HSD17B3: variants seen among roughly 807,000 people sequenced by gnomAD.
HSD17B3 encodes 17-beta-hydroxysteroid dehydrogenase type 3.
In HSD17B3, 29 loss-of-function variants were observed where a neutral mutation model predicts 41.1. The ratio of observed to expected loss-of-function variants is 0.71; its 90% CI spans 0.53 to 0.96. The LOEUF is 0.96. HSD17B3 is among the 40% of genes least tolerant of loss of function. The pLI, the probability that HSD17B3 is intolerant of heterozygous loss-of-function variation, is 0.00. For missense variants in HSD17B3, 323 were observed against 374.6 expected (o/e 0.86, Z 1.14); for synonymous variants, 126 against 145.6 (o/e 0.87, Z 0.97).
chr9:96,235,515 C>G lies in HSD17B3; in HGVS notation c.878G>C (p.Arg293Thr). The G allele has an allele frequency of 6.2e-7, 1 of 1,614,128 alleles. No homozygotes were observed. The highest frequency in any genetic ancestry group is 8.5e-7 in the Non-Finnish European group (1 of 1,180,032). The change falls in exon 11 of 11, where the codon AGG (arginine) becomes ACG (threonine). Residue 293 changes from arginine (R) to threonine (T), a missense_variant. Physicochemically the swap from Arg to Thr is moderately conservative, Grantham distance 71. Coordinates refer to ENST00000375263, the MANE Select transcript of HSD17B3 (RefSeq NM_000197.2). The part of the protein sequence containing the change: ...AWAFYSGAFQ[R>T]LLLTHYVAYL... ...TGCCACATAGTGTGTCAGGAGCAGC[C>G]TTTGGAAGGCACCGCTGTAGAAGGC...
At chr9:96,283,391 T>C (rs1488303673) in intron 2 of HSD17B3, among the ~76,000 whole-genome samples, 2 of 152,188 alleles carry the variant, frequency 1.3e-5, no homozygotes, top group African/African-American at 4.8e-5. Context: ...AATCTTACCT[T>C]ATGGTCAAAC....
intron 8 of HSD17B3, 36 bp from the exon 9 acceptor site, chr9:96,244,430 G>T (rs1836576325): frequency 6.2e-7 from 1 of 1,608,036 alleles, no homozygotes; most frequent in African/African-American, 1.3e-5. Flanking sequence ...AGGCCCCAGA[G>T]TGAGCTCCCT....
intron 2 of HSD17B3, among the ~76,000 whole-genome samples, chr9:96,271,686 G>C (rs1826250317): frequency 6.6e-6 from 1 of 152,190 alleles, no homozygotes; most frequent in African/African-American, 2.4e-5. Context: ...CTTGCCAATA[G>C]GGAAAGCTCT....
chr9:96,288,331 A>G (rs1263156484), intron 2 of HSD17B3, among the ~76,000 whole-genome samples: 1 of 152,216 alleles, frequency 6.6e-6, no homozygotes. Flanking sequence ...ATATGACACC[A>G]TCGATCCTGA....
At chr9:96,284,779 G>A (rs1293441695) in intron 2 of HSD17B3, among the ~76,000 whole-genome samples, 2 of 152,106 alleles carry the variant, frequency 1.3e-5, no homozygotes, top group Non-Finnish European at 2.9e-5. Context: ...ACCCATGACA[G>A]GGTTCAGCTC....
At chr9:96,276,107 T>TAAAAAAAAAAA (rs57386167) in intron 2 of HSD17B3, among the ~76,000 whole-genome samples, 1 of 41,148 alleles carries the variant, frequency 2.4e-5, no homozygotes, top group Admixed American at 4.0e-4. Context: ...TCCTGTCTCA[T>TAAAAAAAAAAA]AAAAAAAAAA....
chr9:96,280,059 G>A lies in HSD17B3; in HGVS notation c.201+18357C>T, dbSNP rs576763160. Among the ~76,000 whole-genome samples the A allele has an allele frequency of 1.1e-4, 17 of 152,242 alleles. No individual in the cohort carries two copies. In the South Asian group the frequency reaches 3.1e-3, roughly 28 times the overall value. Reference sequence around the variant, plus strand: ...GCTGGGACTACAGGCGTGAGCCACTGTGCCCGGCCTGCTTTGTCACTCTTA... The same window carrying A: ...GCTGGGACTACAGGCGTGAGCCACTATGCCCGGCCTGCTTTGTCACTCTTA... On this transcript the variant is annotated intron_variant, in intron 2 of 10. Transcript: ENST00000375263.
At chr9:96,255,991 A>G (rs1032333504) in intron 2 of HSD17B3, among the ~76,000 whole-genome samples, 1 of 152,222 alleles carries the variant, frequency 6.6e-6, no homozygotes, top group Non-Finnish European at 1.5e-5. Flanking sequence ...AGGCCGCTGG[A>G]GATGTGTCTG....
chr9:96,258,316 A>T (rs1825742113), intron 2 of HSD17B3, among the ~76,000 whole-genome samples: 1 of 152,180 alleles, frequency 6.6e-6, no homozygotes, highest in Non-Finnish European at 1.5e-5. Context: ...ATTCCACAAT[A>T]TGTTTTTCAA....
chr9:96,276,455 G>A (rs533621389), intron 2 of HSD17B3, among the ~76,000 whole-genome samples: 1 of 152,004 alleles, frequency 6.6e-6, no homozygotes, highest in African/African-American at 2.4e-5. Context: ...AAACAATCTT[G>A]AGCAAGAAGA....
At chr9:96,290,456 C>CCT (rs747479797) in intron 2 of HSD17B3, among the ~76,000 whole-genome samples, 22,082 of 79,076 alleles carry the variant, frequency 0.28, 3,496 homozygotes, top group Non-Finnish European at 0.35. Context: ...ATTTCCTGGG[C>CCT]TTTTTTTTTT....
At chr9:96,294,992 A>T (rs1027712389) in intron 2 of HSD17B3, among the ~76,000 whole-genome samples, 1 of 148,434 alleles carries the variant, frequency 6.7e-6, no homozygotes, top group African/African-American at 2.5e-5. Flanking sequence ...CGGGGGTCAG[A>T]CACGAGGAGC....
At chr9:96,283,271 C>T (rs892924169) in intron 2 of HSD17B3, among the ~76,000 whole-genome samples, 3 of 152,204 alleles carry the variant, frequency 2.0e-5, no homozygotes, top group African/African-American at 7.2e-5. Context: ...TCCCAAAGTG[C>T]TGGGACTACA....
rs55707445 is a variant in HSD17B3 at position 96,300,209 on chromosome 9, G to GACACACACACACACACAC, written c.154+1724_154+1741dup. Among the ~76,000 whole-genome samples the GACACACACACACACACAC allele has an allele frequency of 3.8e-3, 438 of 116,366 alleles. 14 individuals carry two copies. The highest frequency in any genetic ancestry group is 5.2e-3 in the Non-Finnish European group (290 of 55,972). 76.3% of individuals were successfully genotyped at this position (116,366 alleles called of 152,430 possible). On this transcript the variant is annotated intron_variant, in intron 1 of 10. Transcript: ENST00000375263. ...TCCTGACAGCATAATACCCCAAGAG[G>GACACACACACACACACAC]ACACACACACACACACACACACACA... is the stretch of plus-strand genomic sequence containing the variant.
chr9:96,298,913 C>A (rs8190498), intron 1 of HSD17B3, among the ~76,000 whole-genome samples: 41,366 of 151,934 alleles, frequency 0.27, 6,258 homozygotes, highest in Non-Finnish European at 0.35. Flanking sequence ...AAAAGTGGAG[C>A]TCTGCCCACT....
intron 2 of HSD17B3, among the ~76,000 whole-genome samples, chr9:96,282,104 C>G (rs1826722190): frequency 6.6e-6 from 1 of 152,152 alleles, no homozygotes; most frequent in Non-Finnish European, 1.5e-5. Context: ...TTCAAGATGG[C>G]CCAGCAAACT....
rs201302838 is a variant in HSD17B3 at position 96,302,039 on chromosome 9, C to T, written c.66G>A (p.Ala22=). ...CACATCTGGAGAATCTCACGCACTT[C>T]GCCAGGCAGGCCAGGCACACCAGCA... The part of the protein sequence containing the change: ...TGLLVCLACL[A]KCVRFSRCVL... Residue 22 remains alanine (A), a synonymous_variant, in exon 1 of 11, where the codon GCG becomes GCA. Transcript: ENST00000375263. 21 of 1,614,008 alleles carry T rather than the reference C, an allele frequency of 1.3e-5. No homozygotes were observed. The highest frequency in any genetic ancestry group is 6.6e-5 in the South Asian group (6 of 91,082).
Position 96,269,207 on chromosome 9 carries a change from G to A in HSD17B3, c.202-14264C>T, listed in dbSNP as rs561921424. Among the ~76,000 whole-genome samples, 3 of 152,294 alleles carry A rather than the reference G, an allele frequency of 2.0e-5. No homozygotes were observed. The South Asian group carries it at 6.2e-4, about 32-fold the overall frequency. On this transcript the variant is annotated intron_variant, in intron 2 of 10. Transcript: ENST00000375263. Reference sequence around the variant, plus strand: ...AGCTGGAACACAGTGGTAAGTAATTGTGTTATGTAAACATAGCAAAAATAT... The same window carrying A: ...AGCTGGAACACAGTGGTAAGTAATTATGTTATGTAAACATAGCAAAAATAT...
intron 2 of HSD17B3, among the ~76,000 whole-genome samples, chr9:96,298,163 A>C (rs1325382590): frequency 6.6e-6 from 1 of 152,224 alleles, no homozygotes; most frequent in Non-Finnish European, 1.5e-5. Context: ...TACACTAGAA[A>C]ATACCAATGC....
Sources: allele counts gnomAD v4.1 joint callset (sites outside exome capture counted in the v4.1 genomes callset), GRCh38; gene constraint gnomAD v4.1.1; transcripts MANE v1.5; gene names NCBI Gene and HGNC (gene_info 2026-07-23, HGNC 2026-07-21).